The following HHAT variants were observed in gnomAD, a reference collection of about 807,000 sequenced individuals.
The protein encoded by HHAT is protein-cysteine N-palmitoyltransferase HHAT.
In HHAT, 47 loss-of-function variants were observed where a neutral mutation model predicts 70.8. The ratio of observed to expected loss-of-function variants is 0.66; its 90% CI spans 0.53 to 0.85. The LOEUF (loss-of-function observed/expected upper bound fraction) is 0.85. Ranked by LOEUF, HHAT falls within the 40% of genes least tolerant of loss-of-function variation. The pLI is 0.00. For synonymous variants in HHAT, 228 were observed against 247.6 expected, an observed-to-expected ratio of 0.92 and a Z score of 0.74; for missense variants, 609 against 604.8, an observed-to-expected ratio of 1.01 and a Z score of -0.07.
chr1:210,625,204 T>C (rs1049860061), intron 11 of HHAT, among the ~76,000 whole-genome samples: 2 of 152,174 alleles, frequency 1.3e-5, no homozygotes, highest in Non-Finnish European at 2.9e-5. Context: ...AGCTGTCCTT[T>C]AATAAAGATG....
At chr1:210,357,676 C>T (rs529878203) in intron 2 of HHAT, among the ~76,000 whole-genome samples, 14 of 152,146 alleles carry the variant, frequency 9.2e-5, no homozygotes, top group African/African-American at 1.9e-4. Flanking sequence ...AAAAATTAGC[C>T]GGGTGTGGTG....
intron 10 of HHAT, among the ~76,000 whole-genome samples, chr1:210,597,534 C>G (rs965310464): frequency 2.0e-5 from 3 of 152,130 alleles, no homozygotes; most frequent in Admixed American, 2.0e-4. Flanking sequence ...GAGCTGGCAC[C>G]CAGGCTGCAA....
At position 210,350,862 on chromosome 1, in the gene HHAT, A is replaced by G. The variant is rs532448777; in HGVS notation, c.91+1796A>G. Among the ~76,000 whole-genome samples the G allele has an allele frequency of 1.6e-4, 25 of 152,294 alleles. No homozygotes were observed. In the South Asian group the frequency reaches 1.9e-3, roughly 11 times the overall value. On this transcript the variant is annotated intron_variant, in intron 2 of 11. Coordinates refer to ENST00000261458, the MANE Select transcript of HHAT (RefSeq NM_018194.6). ...CTGGGGAAACTTCTGGTTTCTCACC[A>G]TTAAGTATGACATTAGCTGTGGGTT...
intron 3 of HHAT, among the ~76,000 whole-genome samples, chr1:210,370,399 T>C (rs1165649055): frequency 6.6e-6 from 1 of 151,808 alleles, no homozygotes; most frequent in African/African-American, 2.4e-5. Flanking sequence ...GGTCTTGAAC[T>C]CCTGACCTCA....
At chr1:210,625,143 G>A (rs1669590929) in intron 11 of HHAT, among the ~76,000 whole-genome samples, 1 of 152,164 alleles carries the variant, frequency 6.6e-6, no homozygotes, top group Non-Finnish European at 1.5e-5. Flanking sequence ...TGTTTTCTGT[G>A]CGATGTTTTA....
chr1:210,459,148 C>A (rs946437466), intron 7 of HHAT, among the ~76,000 whole-genome samples: 1 of 152,168 alleles, frequency 6.6e-6, no homozygotes, highest in Non-Finnish European at 1.5e-5. Flanking sequence ...CAGTACCTAA[C>A]CTAGTGCTAG....
intron 10 of HHAT, among the ~76,000 whole-genome samples, chr1:210,608,031 G>A (rs1451635159): frequency 6.6e-6 from 1 of 152,210 alleles, no homozygotes; most frequent in Non-Finnish European, 1.5e-5. Flanking sequence ...ATGCAGATCT[G>A]TGTAATCAGG....
chr1:210,434,018 G>T (rs1171183591), intron 7 of HHAT, among the ~76,000 whole-genome samples: 2 of 151,916 alleles, frequency 1.3e-5, no homozygotes, highest in Admixed American at 1.3e-4. Context: ...ACTGATATTT[G>T]ACAGGTAGAT....
Position 210,340,242 on chromosome 1 carries a change from GA to G in HHAT, c.-43-8665del, listed in dbSNP as rs57007952. On this transcript the variant is annotated intron_variant, in intron 1 of 11. Transcript: ENST00000261458. ...GGGGATAGAGCAAGACTCTGTCTCA[GA>G]AAAAAAAAAAAAAAAAAAAAAAAAA... 6.3e-3 allele frequency among the ~76,000 whole-genome samples: 625 copies of G among 99,618 alleles called. 3 individuals are homozygous for G. Among genetic ancestry groups the G allele is most frequent in the East Asian group, 0.037 (88 of 2,386 alleles). 65.4% of individuals were successfully genotyped at this position (99,618 alleles called of 152,430 possible).
chr1:210,504,468 C>T (rs779458250), intron 8 of HHAT, among the ~76,000 whole-genome samples: 11 of 152,304 alleles, frequency 7.2e-5, no homozygotes, highest in East Asian at 1.9e-4. Flanking sequence ...AATGCTGTTA[C>T]GTGGTAGAGC....
At chr1:210,522,478 G>T (rs1457153631) in intron 9 of HHAT, among the ~76,000 whole-genome samples, 1 of 150,236 alleles carries the variant, frequency 6.7e-6, no homozygotes, top group Non-Finnish European at 1.5e-5. Flanking sequence ...GAAAATTCAG[G>T]CAGGGTGCTG....
At chr1:210,673,179 G>A (rs1210373812) in intron 11 of HHAT, among the ~76,000 whole-genome samples, 1 of 151,998 alleles carries the variant, frequency 6.6e-6, no homozygotes, top group Non-Finnish European at 1.5e-5. Flanking sequence ...CTGTCTCATT[G>A]CCAAGGACAA....
At chr1:210,495,681 A>T (rs1572837963) in intron 8 of HHAT, among the ~76,000 whole-genome samples, 2 of 152,276 alleles carry the variant, frequency 1.3e-5, no homozygotes, top group East Asian at 1.9e-4. Flanking sequence ...ATTGTAGGTC[A>T]TAATCATTTT....
At chr1:210,343,023 C>T (rs1393750206) in intron 1 of HHAT, among the ~76,000 whole-genome samples, 1 of 152,080 alleles carries the variant, frequency 6.6e-6, no homozygotes, top group African/African-American at 2.4e-5. Context: ...ACTCAGTATA[C>T]CACTGGAGAC....
rs767976314 is a variant in HHAT, at chr1:210,588,115, G to A, written c.1245+16G>A. 73 of 1,583,214 alleles carry A rather than the reference G, an allele frequency of 4.6e-5. No homozygotes were observed. In the East Asian group the frequency reaches 1.6e-3, roughly 35 times the overall value. Reference sequence around the variant, plus strand: ...GGACAGTCTGGTGAGCAGGATCCTTGCTGCTGTGTTAGGGGACAGTGGAAC... The same window carrying A: ...GGACAGTCTGGTGAGCAGGATCCTTACTGCTGTGTTAGGGGACAGTGGAAC... On this transcript the variant is annotated intron_variant, in intron 10 of 11. Coordinates refer to ENST00000261458, the MANE Select transcript of HHAT (RefSeq NM_018194.6).
rs1573595838 is a variant in HHAT at position 210,595,586 on chromosome 1, T to C, written c.1245+7487T>C. 2.6e-5 allele frequency among the ~76,000 whole-genome samples: 4 copies of C among 152,338 alleles called. No individual in the cohort carries two copies. The South Asian group carries it at 8.3e-4, about 32-fold the overall frequency. On this transcript the variant is annotated intron_variant, in intron 10 of 11. Coordinates refer to ENST00000261458, the MANE Select transcript of HHAT (RefSeq NM_018194.6). ...AACTAGTTTACAGTCCCACCATCAG[T>C]GTAAAAGTGTTCCTATTTCTCCACA...
In HHAT at chr1:210,450,030, C is replaced by T. The variant is rs993755106; in HGVS notation, c.857-14475C>T. ...AGAATATGGGCTTGGCGTGGTGGCTCACCCCTGTTATCCTGCACTTTGGGA... is the reference window on the plus strand; with the variant it reads ...AGAATATGGGCTTGGCGTGGTGGCTTACCCCTGTTATCCTGCACTTTGGGA... On this transcript the variant is annotated intron_variant, in intron 7 of 11. Coordinates refer to ENST00000261458, the MANE Select transcript of HHAT (RefSeq NM_018194.6). Among the ~76,000 whole-genome samples, 7 of 152,080 alleles carry T rather than the reference C, an allele frequency of 4.6e-5. No homozygotes were observed. In the South Asian group the frequency reaches 8.3e-4, roughly 18 times the overall value.
At chr1:210,363,364 C>T (rs1333458043) in intron 3 of HHAT, among the ~76,000 whole-genome samples, 1 of 152,212 alleles carries the variant, frequency 6.6e-6, no homozygotes, top group Non-Finnish European at 1.5e-5. Flanking sequence ...TAGGGCGGTG[C>T]CAGGTGGCTG....
chr1:210,607,267 G>A (rs1665658196), intron 10 of HHAT, among the ~76,000 whole-genome samples: 6 of 151,834 alleles, frequency 4.0e-5, no homozygotes, highest in Admixed American at 3.9e-4. Flanking sequence ...TTATTAAAAT[G>A]GGTTGACTTT....
Sources: allele counts gnomAD v4.1 joint callset (sites outside exome capture counted in the v4.1 genomes callset), GRCh38; gene constraint gnomAD v4.1.1; transcripts MANE v1.5; gene names NCBI Gene and HGNC (gene_info 2026-07-23, HGNC 2026-07-21).